NEDD4L: variants seen among roughly 807,000 people sequenced by gnomAD.
The protein encoded by NEDD4L is NEDD4 like E3 ubiquitin protein ligase.
A neutral mutation model predicts 148.9 loss-of-function variants in NEDD4L; 54 were observed. That is an observed-to-expected ratio of 0.36 (90% CI 0.29 to 0.45). The LOEUF is 0.45. Among genes scored for constraint, NEDD4L ranks in the 20% least tolerant of loss-of-function variants. The pLI is 1.00. For missense variants in NEDD4L, 856 were observed against 1,233.8 expected, an observed-to-expected ratio of 0.69 and a Z score of 4.59; for synonymous variants, 433 against 440.7, an observed-to-expected ratio of 0.98 and a Z score of 0.22.
At chr18:58,127,287 G>T (rs945204068) in intron 1 of NEDD4L, among the ~76,000 whole-genome samples, 1 of 152,354 alleles carries the variant, frequency 6.6e-6, no homozygotes, top group South Asian at 2.1e-4. Flanking sequence ...CCCACAGGAC[G>T]CTGCAGATGT....
intron 5 of NEDD4L, among the ~76,000 whole-genome samples, chr18:58,263,028 A>T (rs2049668097): frequency 6.6e-6 from 1 of 152,186 alleles, no homozygotes. Flanking sequence ...CAGTGATTAA[A>T]TCTCTGTGAA....
At chr18:58,115,629 T>C (rs1329635557) in intron 1 of NEDD4L, among the ~76,000 whole-genome samples, 1 of 152,146 alleles carries the variant, frequency 6.6e-6, no homozygotes, top group Non-Finnish European at 1.5e-5. Context: ...TTTTGGACTT[T>C]TGAAAGATTG....
At chr18:58,274,423 AGTT>A (rs1480069468) in intron 5 of NEDD4L, among the ~76,000 whole-genome samples, 7 of 152,182 alleles carry the variant, frequency 4.6e-5, no homozygotes, top group African/African-American at 1.7e-4. Flanking sequence ...TGCTTGGCCC[AGTT>A]GTTTTCCCGG....
chr18:58,259,421 T>C (rs1478909990), intron 5 of NEDD4L, among the ~76,000 whole-genome samples: 1 of 152,244 alleles, frequency 6.6e-6, no homozygotes, highest in African/African-American at 2.4e-5. Context: ...AATTTAGTTA[T>C]TTTCTTATAA....
chr18:58,164,370 A>C (rs934509497), intron 1 of NEDD4L, among the ~76,000 whole-genome samples: 4 of 152,200 alleles, frequency 2.6e-5, no homozygotes, highest in Admixed American at 6.5e-5. Flanking sequence ...ATTAGAAAAA[A>C]ATTGTTGCAA....
intron 2 of NEDD4L, among the ~76,000 whole-genome samples, chr18:58,187,652 T>C (rs1412359952): frequency 6.6e-6 from 1 of 152,170 alleles, no homozygotes; most frequent in Admixed American, 6.5e-5. Context: ...TTAAGATTAA[T>C]TATGAAAATC....
At chr18:58,111,137 G>A (rs887186929) in intron 1 of NEDD4L, among the ~76,000 whole-genome samples, 10 of 152,080 alleles carry the variant, frequency 6.6e-5, no homozygotes, top group African/African-American at 2.4e-4. Context: ...GCACAATCTC[G>A]GCTTACTGCA....
intron 5 of NEDD4L, among the ~76,000 whole-genome samples, chr18:58,311,252 G>T (rs1240303596): frequency 6.6e-6 from 1 of 152,184 alleles, no homozygotes; most frequent in East Asian, 1.9e-4. Flanking sequence ...GATATTTTCT[G>T]TTCTATATTA....
intron 20 of NEDD4L, 97 bp from the exon 21 acceptor site, chr18:58,365,902 G>A (rs777612000): frequency 6.3e-6 from 5 of 796,828 alleles, no homozygotes; most frequent in Non-Finnish European, 9.7e-6. Flanking sequence ...GTTTCTTTGA[G>A]GACTGCCAAC....
rs199804874 is a variant in NEDD4L at position 58,276,087 on chromosome 18, AT to A, written c.297+24034del. On this transcript the variant is annotated intron_variant, in intron 5 of 30. Transcript: ENST00000400345. The stretch of plus-strand genomic sequence containing the variant: ...TCTCATTCAAGTTAATAGCAAAAAA[AT>A]ATTACTACTGGTTTCATGTTTAGGT... Among the ~76,000 whole-genome samples the A allele has an allele frequency of 8.7e-3, 1,327 of 152,318 alleles. 18 individuals are homozygous for A. The highest frequency in any genetic ancestry group is 0.03 in the African/African-American group (1,232 of 41,552).
chr18:58,289,389 A>G (rs2054381419), intron 5 of NEDD4L, among the ~76,000 whole-genome samples: 1 of 152,216 alleles, frequency 6.6e-6, no homozygotes, highest in Non-Finnish European at 1.5e-5. Context: ...TATATGGCCT[A>G]TGAGACATGG....
intron 26 of NEDD4L, among the ~76,000 whole-genome samples, chr18:58,386,664 C>A (rs1326007350): frequency 6.6e-6 from 1 of 152,166 alleles, no homozygotes; most frequent in East Asian, 1.9e-4. Flanking sequence ...CCTCAAAGAT[C>A]ACACAGGAAA....
intron 1 of NEDD4L, among the ~76,000 whole-genome samples, chr18:58,123,303 A>G (rs896751425): frequency 6.6e-6 from 1 of 152,126 alleles, no homozygotes. Flanking sequence ...GATCTCGTCC[A>G]GGTTAGCCTC....
chr18:58,378,789 A>G (rs2047925916), intron 24 of NEDD4L, among the ~76,000 whole-genome samples: 1 of 152,220 alleles, frequency 6.6e-6, no homozygotes, highest in Non-Finnish European at 1.5e-5. Context: ...ACCCAAGTCC[A>G]GCATATTCCA....
intron 1 of NEDD4L, among the ~76,000 whole-genome samples, chr18:58,079,398 A>G (rs911729357): frequency 1.3e-5 from 2 of 152,198 alleles, no homozygotes; most frequent in African/African-American, 4.8e-5. Flanking sequence ...CAGTAATTTT[A>G]TGTAACAAAC....
intron 17 of NEDD4L, among the ~76,000 whole-genome samples, chr18:58,350,418 A>AT (rs895093545): frequency 2.6e-5 from 4 of 152,146 alleles, no homozygotes; most frequent in East Asian, 1.9e-4. Context: ...AAAAGAAAGC[A>AT]TTTTTTTCTG....
intron 5 of NEDD4L, among the ~76,000 whole-genome samples, chr18:58,255,286 G>A (rs2048373651): frequency 6.6e-6 from 1 of 151,424 alleles, no homozygotes; most frequent in Non-Finnish European, 1.5e-5. Context: ...GCAGCAGCTG[G>A]GAAGGTGCTG....
chr18:58,297,389 T>C (rs2055795397), intron 5 of NEDD4L, among the ~76,000 whole-genome samples: 1 of 152,234 alleles, frequency 6.6e-6, no homozygotes, highest in Non-Finnish European at 1.5e-5. Flanking sequence ...GAGAACATAC[T>C]ACGTGTTGAT....
intron 5 of NEDD4L, among the ~76,000 whole-genome samples, chr18:58,285,075 G>A (rs2053691417): frequency 6.6e-6 from 1 of 152,186 alleles, no homozygotes; most frequent in African/African-American, 2.4e-5. Flanking sequence ...TCCAGCAAAG[G>A]ATTTCCTAAC....
Sources: allele counts gnomAD v4.1 joint callset (sites outside exome capture counted in the v4.1 genomes callset), GRCh38; gene constraint gnomAD v4.1.1; transcripts MANE v1.5; gene names NCBI Gene and HGNC (gene_info 2026-07-23, HGNC 2026-07-21).